The following CDK14 variants were observed in gnomAD, a reference collection of about 807,000 sequenced individuals.
CDK14 encodes the protein cyclin dependent kinase 14.
A neutral mutation model predicts 60.7 loss-of-function variants in CDK14; 34 were observed. The observed-to-expected ratio is 0.56, with a 90% CI of 0.43 to 0.75. The LOEUF (loss-of-function observed/expected upper bound fraction) is 0.75. Ranked by LOEUF, CDK14 falls within the 30% of genes least tolerant of loss-of-function variation. The pLI is 0.00. For missense variants in CDK14, 482 were observed against 564.1 expected (o/e 0.85, Z 1.47); for synonymous variants, 197 against 203.7 (o/e 0.97, Z 0.28).
chr7:91,202,873 C>T (rs967793528), intron 14 of CDK14, among the ~76,000 whole-genome samples: 1 of 152,176 alleles, frequency 6.6e-6, no homozygotes, highest in African/African-American at 2.4e-5. Flanking sequence ...TATCCAATTA[C>T]TATTATTACA....
intron 5 of CDK14, among the ~76,000 whole-genome samples, chr7:90,860,599 C>T (rs1023651455): frequency 6.7e-6 from 1 of 148,278 alleles, no homozygotes; most frequent in Non-Finnish European, 1.5e-5. Context: ...GATCTCAGCT[C>T]ACTGCAACCT....
Position 90,697,878 on chromosome 7 carries a change from C to G in CDK14, c.124-28689C>G, listed in dbSNP as rs201392265. Among the ~76,000 whole-genome samples the G allele has an allele frequency of 1.2e-4, 18 of 151,852 alleles. No homozygotes were observed. The East Asian group carries it at 3.3e-3, about 28-fold the overall frequency. On this transcript the variant is annotated intron_variant, in intron 2 of 14. Transcript: ENST00000380050. ...GGTCAGGAGATCCAGACCATCCTGG[C>G]TAACACGGTGAAACCCCATCTCTAC...
chr7:91,116,587 A>T (rs1281965415), intron 13 of CDK14, among the ~76,000 whole-genome samples: 1 of 152,186 alleles, frequency 6.6e-6, no homozygotes, highest in Non-Finnish European at 1.5e-5. Context: ...TTTAAAAATA[A>T]AACAGGTGCA....
At chr7:90,927,588 T>TATATAAATATAA (rs57424517) in intron 8 of CDK14, among the ~76,000 whole-genome samples, 1 of 152,168 alleles carries the variant, frequency 6.6e-6, no homozygotes, top group African/African-American at 2.4e-5. Flanking sequence ...CTAAAGTACA[T>TATATAAATATAA]ATATAAATAT....
intron 4 of CDK14, among the ~76,000 whole-genome samples, chr7:90,767,603 C>T (rs1418513423): frequency 1.3e-5 from 2 of 152,166 alleles, no homozygotes; most frequent in African/African-American, 2.4e-5. Context: ...TTGCTGCCTT[C>T]TCATGTGGAC....
chr7:91,194,496 TG>T lies in CDK14; in HGVS notation c.*29-12664del, dbSNP rs368823909. 5.9e-5 allele frequency among the ~76,000 whole-genome samples: 9 copies of T among 152,152 alleles called. No individual in the cohort carries two copies. The East Asian group carries it at 1.7e-3, about 29-fold the overall frequency. On this transcript the variant is annotated intron_variant, in intron 14 of 14. Coordinates refer to ENST00000380050, the MANE Select transcript of CDK14 (RefSeq NM_001287135.2). ...TATTAAATTATTCTAAAATAGGCTG[TG>T]GGGGTTTTTCCCCCCAGGATAACAT... is the stretch of plus-strand genomic sequence containing the variant.
intron 4 of CDK14, among the ~76,000 whole-genome samples, chr7:90,779,019 G>A (rs558798156): frequency 8.2e-4 from 124 of 151,952 alleles, no homozygotes; most frequent in Admixed American, 2.9e-3. Context: ...TTGGTAGGCC[G>A]AGGGGTGGAT....
At chr7:90,729,372 C>A (rs10435254) in intron 3 of CDK14, among the ~76,000 whole-genome samples, 3 of 93,536 alleles carry the variant, frequency 3.2e-5, no homozygotes, top group African/African-American at 4.5e-5. Flanking sequence ...TTTTTTTTTT[C>A]CCCACTCATC....
chr7:90,596,916 T>A (rs1231766931), intron 1 of CDK14, among the ~76,000 whole-genome samples, 198 bp downstream of exon 1: 1 of 152,074 alleles, frequency 6.6e-6, no homozygotes, highest in Non-Finnish European at 1.5e-5. Context: ...CCTCAGGATC[T>A]GGGGGTTCAT....
In CDK14 at chr7:91,133,778, G is replaced by A. The variant is rs377088010; in HGVS notation, c.*28+15570G>A. Among the ~76,000 whole-genome samples, 5 of 152,168 alleles carry A rather than the reference G, an allele frequency of 3.3e-5. No individual in the cohort carries two copies. In the East Asian group the frequency reaches 9.7e-4, roughly 29 times the overall value. On this transcript the variant is annotated intron_variant, in intron 14 of 14. Transcript: ENST00000380050. The stretch of plus-strand genomic sequence containing the variant: ...GCTCTCACTATATTCCAACCTCAGA[G>A]TCCCCTTGGATGGGTCCAAGTTCTT...
chr7:91,203,113 T>G (rs1775887184), intron 14 of CDK14, among the ~76,000 whole-genome samples: 1 of 149,506 alleles, frequency 6.7e-6, no homozygotes, highest in Non-Finnish European at 1.5e-5. Flanking sequence ...TCAAATATAA[T>G]GTCATGGAGT....
rs953278280 is a variant in CDK14, at chr7:90,995,892, C to T, written c.1041+11651C>T. 5.9e-5 allele frequency among the ~76,000 whole-genome samples: 9 copies of T among 152,092 alleles called. No individual in the cohort carries two copies. In the South Asian group the frequency reaches 1.7e-3, roughly 28 times the overall value. On this transcript the variant is annotated intron_variant, in intron 10 of 14. Transcript: ENST00000380050. ...TCTGTAGTAAAACAGATAAGCAGTC[C>T]CTGGTTGATGAGTTCTCTTAAGAAC... is the stretch of plus-strand genomic sequence containing the variant.
intron 2 of CDK14, chr7:90,709,677 A>G (rs1266919925): frequency 2.5e-6 from 4 of 1,568,886 alleles, no homozygotes; most frequent in Middle Eastern, 1.7e-4. Context: ...TGTTAAAGCT[A>G]TTGATACTGA....
chr7:91,082,237 AG>A (rs371560622), intron 12 of CDK14, among the ~76,000 whole-genome samples: 1 of 152,378 alleles, frequency 6.6e-6, no homozygotes, highest in African/African-American at 2.4e-5. Flanking sequence ...GGAAGATTCC[AG>A]GAACACATTT....
At chr7:90,729,812 G>C (rs1255738193) in intron 3 of CDK14, among the ~76,000 whole-genome samples, 3 of 151,940 alleles carry the variant, frequency 2.0e-5, no homozygotes, top group Non-Finnish European at 4.4e-5. Context: ...TCAGCAGGAT[G>C]CTATAATATC....
At chr7:91,112,520 T>A in intron 12 of CDK14, 22 bp from the exon 13 acceptor site, 1 of 1,606,358 alleles carries the variant, frequency 6.2e-7, no homozygotes, top group Non-Finnish European at 8.5e-7. Flanking sequence ...GTCTGACCTC[T>A]CTTTTTTGCT....
intron 5 of CDK14, among the ~76,000 whole-genome samples, chr7:90,828,177 T>C (rs561926897): frequency 1.3e-5 from 2 of 152,254 alleles, no homozygotes; most frequent in South Asian, 2.1e-4. Context: ...ATTTCCAGAG[T>C]CCTTGTCACC....
At chr7:91,177,496 A>C (rs1316416631) in intron 14 of CDK14, among the ~76,000 whole-genome samples, 6 of 151,934 alleles carry the variant, frequency 3.9e-5, no homozygotes, top group Non-Finnish European at 7.4e-5. Flanking sequence ...AGGGTATTCA[A>C]TTAGGAAAAG....
intron 2 of CDK14, among the ~76,000 whole-genome samples, chr7:90,615,558 G>A (rs1242302909): frequency 1.3e-5 from 2 of 152,156 alleles, no homozygotes; most frequent in African/African-American, 2.4e-5. Flanking sequence ...ATTGAAGTCA[G>A]TCTTTCAATT....
Sources: allele counts gnomAD v4.1 joint callset (sites outside exome capture counted in the v4.1 genomes callset), GRCh38; gene constraint gnomAD v4.1.1; transcripts MANE v1.5; gene names NCBI Gene and HGNC (gene_info 2026-07-23, HGNC 2026-07-21).